TGM4: variants seen among roughly 807,000 people sequenced by gnomAD.
TGM4 encodes protein-glutamine gamma-glutamyltransferase 4.
Under a neutral mutation model 76.3 loss-of-function variants are expected in TGM4, and 61 were observed. That is an observed-to-expected ratio of 0.80 (90% CI 0.65 to 0.99). TGM4 has a LOEUF of 0.99. TGM4 is among the 50% of genes least tolerant of loss of function. The probability of loss-of-function intolerance (pLI) is 0.00; values close to 1 mark genes in which losing one functional copy is unlikely to be tolerated. For missense variants in TGM4, 794 were observed against 843.2 expected (o/e 0.94, Z 0.72); for synonymous variants, 337 against 329.8 (o/e 1.02, Z -0.24).
rs536645660 is a variant in TGM4 at position 44,882,472 on chromosome 3, G to T, written c.20-2853G>T. On this transcript the variant is annotated intron_variant, in intron 1 of 13. Transcript: ENST00000296125. Reference sequence around the variant, plus strand: ...TATTATTCTCTCGTTCTGGAAGATAGACATCCAAAATCAAAATGTCCGCAG... The same window carrying T: ...TATTATTCTCTCGTTCTGGAAGATATACATCCAAAATCAAAATGTCCGCAG... Among the ~76,000 whole-genome samples the T allele has an allele frequency of 1.3e-5, 2 of 152,338 alleles. 1 individual carries two copies. Among genetic ancestry groups the T allele is most frequent in the African/African-American group, 4.8e-5 (2 of 41,576 alleles).
intron 6 of TGM4, among the ~76,000 whole-genome samples, chr3:44,898,224 T>C (rs1699806328): frequency 6.9e-6 from 1 of 144,042 alleles, no homozygotes; most frequent in African/African-American, 2.6e-5. Context: ...GAGGTTGCAG[T>C]GAGCCAAGAT....
chr3:44,888,391 A>T (rs1182380344), intron 3 of TGM4: 1 of 152,516 alleles, frequency 6.6e-6, no homozygotes, highest in African/African-American at 2.4e-5. Flanking sequence ...TTTAATGCTA[A>T]GCTAATGCCA....
chr3:44,885,518 C>G lies in TGM4; in HGVS notation c.193+20C>G, dbSNP rs1373324718. The G allele has an allele frequency of 6.2e-7, 1 of 1,600,458 alleles. No individual in the cohort carries two copies. Among genetic ancestry groups the G allele is most frequent in the Non-Finnish European group, 8.5e-7 (1 of 1,171,080 alleles). On this transcript the variant is annotated intron_variant, in intron 2 of 13. Coordinates refer to ENST00000296125, the MANE Select transcript of TGM4 (RefSeq NM_003241.4). Reference sequence around the variant, plus strand: ...GCACAGGTGAAGCCTCGGGGCCCTACTCATGGGGCTTTGGGGAGGGATCAC... The same window carrying G: ...GCACAGGTGAAGCCTCGGGGCCCTAGTCATGGGGCTTTGGGGAGGGATCAC...
chr3:44,882,097 T>C (rs906489886), intron 1 of TGM4, among the ~76,000 whole-genome samples: 2 of 140,438 alleles, frequency 1.4e-5, no homozygotes, highest in Admixed American at 7.8e-5. Context: ...GGTCTCACTT[T>C]GTTGCCCAGG....
In TGM4 at chr3:44,880,654, T is replaced by G. The variant is rs116679298; in HGVS notation, c.20-4671T>G. ...AGCTAGGCAGGTCTTCCAAGAGTCC[T>G]CTCCAGTGTCACACAGGATGTGTTT... On this transcript the variant is annotated intron_variant, in intron 1 of 13. Transcript: ENST00000296125. Among the ~76,000 whole-genome samples, 2 of 152,344 alleles carry G rather than the reference T, an allele frequency of 1.3e-5. 1 individual carries two copies. Among genetic ancestry groups the G allele is most frequent in the African/African-American group, 4.8e-5 (2 of 41,576 alleles).
At chr3:44,899,211 G>A (rs2125755836) in intron 6 of TGM4, 1 of 152,342 alleles carries the variant, frequency 6.6e-6, no homozygotes, top group African/African-American at 2.4e-5. Context: ...GGAAGCAATG[G>A]GCTAAGCCGC....
chr3:44,880,933 G>A (rs1053888168), intron 1 of TGM4, among the ~76,000 whole-genome samples: 5 of 152,130 alleles, frequency 3.3e-5, no homozygotes, highest in African/African-American at 1.2e-4. Flanking sequence ...TTTCAAAATG[G>A]TAGTTCGGGT....
At chr3:44,875,260 C>T (rs1317654051) in intron 1 of TGM4, among the ~76,000 whole-genome samples, 1 of 152,198 alleles carries the variant, frequency 6.6e-6, no homozygotes, top group Non-Finnish European at 1.5e-5. Context: ...CTTTGCATTC[C>T]GTTGTTGTGC....
Position 44,889,737 on chromosome 3 carries a change from C to T in TGM4, c.301-866C>T, listed in dbSNP as rs180986965. ...AAAAGGCTGGATAGAGGCCTGGACG[C>T]CCTTGGACCAATGGCCTTCTGGGAC... On this transcript the variant is annotated intron_variant, in intron 3 of 13. Transcript: ENST00000296125. Among the ~76,000 whole-genome samples the T allele has an allele frequency of 1.8e-4, 28 of 152,288 alleles. No individual in the cohort carries two copies. In the East Asian group the frequency reaches 5.4e-3, roughly 29 times the overall value.
intron 1 of TGM4, among the ~76,000 whole-genome samples, chr3:44,884,582 C>T (rs1699575002): frequency 6.6e-6 from 1 of 152,068 alleles, no homozygotes; most frequent in Admixed American, 6.5e-5. Context: ...ATGCGCCGCC[C>T]CCACAGCCTC....
chr3:44,907,866 T>C (rs184111007), intron 10 of TGM4, among the ~76,000 whole-genome samples: 25 of 152,110 alleles, frequency 1.6e-4, no homozygotes, highest in Non-Finnish European at 3.1e-4. Context: ...TACCACGTGG[T>C]AAGGAAAGGA....
chr3:44,910,471 T>G, intron 11 of TGM4, 103 bp downstream of exon 11: 3 of 1,399,358 alleles, frequency 2.1e-6, no homozygotes, highest in Non-Finnish European at 2.9e-6. Flanking sequence ...TGATAAATTT[T>G]TGTGTGTGAG....
chr3:44,889,569 A>G (rs1028255981), intron 3 of TGM4, among the ~76,000 whole-genome samples: 1 of 152,244 alleles, frequency 6.6e-6, no homozygotes, highest in Non-Finnish European at 1.5e-5. Flanking sequence ...CCTATGAGTT[A>G]TAATAATAAG....
At position 44,911,393 on chromosome 3, in the gene TGM4, A is replaced by T. The variant is rs1700003879; in HGVS notation, c.1900A>T (p.Thr634Ser). The change falls in exon 13 of 14, where the codon ACC becomes TCC. Residue 634 changes from threonine to serine, a missense_variant. Physicochemically the swap from Thr to Ser is moderately conservative, Grantham distance 58. Coordinates refer to ENST00000296125, the MANE Select transcript of TGM4 (RefSeq NM_003241.4). ...AAGCCTGGGCATCTCCTCACTACAG[A>T]CCTCTGACCATGGGTGAGTCTGCCT... The part of the protein sequence containing the change: ...LESLGISSLQ[T>S]SDHGTVQPGE... 1 of 1,613,904 alleles carries T rather than the reference A, an allele frequency of 6.2e-7. No individual in the cohort carries two copies. Among genetic ancestry groups the T allele is most frequent in the South Asian group, 1.1e-5 (1 of 91,068 alleles).
chr3:44,893,498 C>A, intron 4 of TGM4, 79 bp from the exon 5 acceptor site: 1 of 1,239,136 alleles, frequency 8.1e-7, no homozygotes, highest in Admixed American at 1.7e-5. Flanking sequence ...TCTCCCCCAG[C>A]ACAGACAGTC....
intron 10 of TGM4, 90 bp downstream of exon 10, chr3:44,907,290 T>C: frequency 7.8e-7 from 1 of 1,274,360 alleles, no homozygotes; most frequent in Non-Finnish European, 1.1e-6. Flanking sequence ...CTGGGCAACA[T>C]GGTGAAACCC....
intron 8 of TGM4, 49 bp from the exon 9 acceptor site, chr3:44,903,835 C>T: frequency 6.5e-7 from 1 of 1,547,892 alleles, no homozygotes; most frequent in Middle Eastern, 1.7e-4. Flanking sequence ...TTATCTCTAA[C>T]TAGGTTTGGG....
chr3:44,904,110 C>A (rs1474342099), intron 9 of TGM4, 123 bp downstream of exon 9: 11 of 799,014 alleles, frequency 1.4e-5, no homozygotes, highest in Admixed American at 1.2e-4. Flanking sequence ...TTTCCCAAAA[C>A]AAAAAGCATG....
rs759457858 is a variant in TGM4 at position 44,896,730 on chromosome 3, T to G, written c.571T>G (p.Cys191Gly). 9 of 1,614,200 alleles carry G rather than the reference T, an allele frequency of 5.6e-6. No homozygotes were observed. The Admixed American group carries it at 1.5e-4, about 27-fold the overall frequency. The change falls in exon 6 of 14, where the codon TGC becomes GGC. Residue 191 changes from cysteine (C) to glycine (G), a missense_variant. By Grantham distance (159) the Cys-to-Gly change is radical (BLOSUM62 -3). Transcript: ENST00000296125. ...ATAGTTTGAGAAAAATGTCCTGGACTGCTGCATTTCCCTGCTGACTGAGAG... is the reference window on the plus strand; with the variant it reads ...ATAGTTTGAGAAAAATGTCCTGGACGGCTGCATTTCCCTGCTGACTGAGAG... ...FGQFEKNVLDCCISLLTESSL... is the reference protein window; with the variant it reads ...FGQFEKNVLDGCISLLTESSL...
Sources: gnomAD v4.1 joint callset for allele counts (sites outside exome capture counted in the v4.1 genomes callset) on GRCh38, gnomAD v4.1.1 for gene constraint, MANE v1.5 for transcripts, NCBI Gene and HGNC (gene_info 2026-07-23, HGNC 2026-07-21) for gene names.